Variants in JMJD1C observed in about 807,000 individuals in gnomAD.
JMJD1C encodes the protein jumonji domain-containing protein 1C.
JMJD1C carries 31 observed loss-of-function variants against 245.3 expected under a neutral mutation model. The ratio of observed to expected loss-of-function variants is 0.13; its 90% CI spans 0.09 to 0.17. The LOEUF is 0.17. Among genes scored for constraint, JMJD1C ranks in the 10% least tolerant of loss-of-function variants. The pLI is 1.00. For synonymous variants in JMJD1C, 1,057 were observed against 1,017.4 expected, an observed-to-expected ratio of 1.04 and a Z score of -0.74; for missense variants, 2,691 against 3,000.2, an observed-to-expected ratio of 0.90 and a Z score of 2.41.
intron 1 of JMJD1C, among the ~76,000 whole-genome samples, chr10:63,504,269 A>G (rs1411887903): frequency 1.3e-5 from 2 of 152,220 alleles, no homozygotes. Context: ...AACAGAGCTC[A>G]CATTCTAATT....
intron 1 of JMJD1C, among the ~76,000 whole-genome samples, chr10:63,401,767 T>C (rs1948872024): frequency 6.6e-6 from 1 of 152,036 alleles, no homozygotes; most frequent in Admixed American, 6.6e-5. Context: ...TGGGATGGTA[T>C]GAAGAAGTGG....
chr10:63,465,694 TCCAGTG>T lies in JMJD1C; in HGVS notation c.-38_-33del. On this transcript the variant is annotated 5_prime_UTR_variant, in exon 1 of 26. Transcript: ENST00000399262. Reference sequence around the variant, plus strand: ...CGCTGCCGAAGCGGCCGCTGCCTCCTCCAGTGCGAGGGAACCGATGAAACCTCACTC... The same window carrying T: ...CGCTGCCGAAGCGGCCGCTGCCTCCTCGAGGGAACCGATGAAACCTCACTC... 1 of 1,603,036 alleles carries T rather than the reference TCCAGTG, an allele frequency of 6.2e-7. No individual in the cohort carries two copies.
At chr10:63,225,458 G>T (rs972356079) in intron 3 of JMJD1C, among the ~76,000 whole-genome samples, 2 of 152,086 alleles carry the variant, frequency 1.3e-5, no homozygotes, top group Non-Finnish European at 2.9e-5. Context: ...TTGAACATTA[G>T]TGAGACACCT....
At chr10:63,184,811 C>A in intron 20 of JMJD1C, 73 bp from the exon 21 acceptor site, 1 of 1,415,616 alleles carries the variant, frequency 7.1e-7, no homozygotes, top group Non-Finnish European at 9.6e-7. Flanking sequence ...ATATAATTTT[C>A]AAGTTGTTCA....
At chr10:63,329,205 C>T (rs1941860694) in intron 2 of JMJD1C, among the ~76,000 whole-genome samples, 1 of 151,260 alleles carries the variant, frequency 6.6e-6, no homozygotes, top group Non-Finnish European at 1.5e-5. Flanking sequence ...TGGCTTGAGC[C>T]TGGGAGGTTG....
At position 63,196,158 on chromosome 10, in the gene JMJD1C, C is replaced by T. The variant is rs1845432393; in HGVS notation, c.5644+1253G>A. Among the ~76,000 whole-genome samples the T allele has an allele frequency of 2.0e-5, 3 of 147,210 alleles. No individual in the cohort carries two copies. The South Asian group carries it at 6.6e-4, about 32-fold the overall frequency. On this transcript the variant is annotated intron_variant, in intron 13 of 25. Coordinates refer to ENST00000399262, the MANE Select transcript of JMJD1C (RefSeq NM_032776.3). ...CCTGTAATCCCAGCTACTCGGGAGG[C>T]TGAGGCAGGAGAATTACTTGAATCC...
intron 18 of JMJD1C, among the ~76,000 whole-genome samples, chr10:63,188,349 T>G (rs1564571395): frequency 6.6e-6 from 1 of 152,234 alleles, no homozygotes; most frequent in African/African-American, 2.4e-5. Context: ...TTTCTTTTTT[T>G]GGGGTGAAAG....
chr10:63,355,177 G>A (rs1944728134), intron 2 of JMJD1C, among the ~76,000 whole-genome samples: 1 of 151,396 alleles, frequency 6.6e-6, no homozygotes, highest in Non-Finnish European at 1.5e-5. Flanking sequence ...TAAACATTTT[G>A]AAATAATCAC....
intron 3 of JMJD1C, among the ~76,000 whole-genome samples, chr10:63,256,241 C>T (rs1853909011): frequency 6.6e-6 from 1 of 152,186 alleles, no homozygotes; most frequent in African/African-American, 2.4e-5. Flanking sequence ...TCCAAGGATA[C>T]ATTTTCAACA....
chr10:63,291,134 C>A (rs4486510), intron 2 of JMJD1C, among the ~76,000 whole-genome samples: 1 of 151,180 alleles, frequency 6.6e-6, no homozygotes, highest in Non-Finnish European at 1.5e-5. Flanking sequence ...GTGAAACTCT[C>A]TCTCTACTAA....
At chr10:63,190,390 G>C (rs534863004) in intron 17 of JMJD1C, among the ~76,000 whole-genome samples, 4 of 152,062 alleles carry the variant, frequency 2.6e-5, no homozygotes, top group African/African-American at 7.2e-5. Flanking sequence ...TTTTAGTAGA[G>C]ACAAGGTTTC....
At chr10:63,451,815 A>C (rs1952087760) in intron 1 of JMJD1C, among the ~76,000 whole-genome samples, 1 of 152,222 alleles carries the variant, frequency 6.6e-6, no homozygotes, top group Non-Finnish European at 1.5e-5. Context: ...TTTTTGAAAA[A>C]GGTGCCAAAA....
chr10:63,392,758 G>A (rs950421187), intron 1 of JMJD1C, among the ~76,000 whole-genome samples: 2 of 147,540 alleles, frequency 1.4e-5, no homozygotes, highest in African/African-American at 5.0e-5. Flanking sequence ...ACGGGAGGCA[G>A]AGGTTGCAGT....
intron 2 of JMJD1C, among the ~76,000 whole-genome samples, chr10:63,266,552 A>C (rs1855596110): frequency 1.3e-5 from 2 of 152,178 alleles, no homozygotes; most frequent in Admixed American, 1.3e-4. Context: ...ACTGTAAAAA[A>C]TGTTTTTTCA....
chr10:63,185,558 C>T lies in JMJD1C; in HGVS notation c.6830+5G>A. Reference sequence around the variant, plus strand: ...AGTCAAGAGTCAAAATGAAAAGTTTCAAACCTTGCTGGCATCATAGTCTTG... The same window carrying T: ...AGTCAAGAGTCAAAATGAAAAGTTTTAAACCTTGCTGGCATCATAGTCTTG... On this transcript the variant is annotated splice_donor_5th_base_variant and intron_variant, in intron 20 of 25. Coordinates refer to ENST00000399262, the MANE Select transcript of JMJD1C (RefSeq NM_032776.3). The T allele has an allele frequency of 6.4e-7, 1 of 1,554,308 alleles. No individual in the cohort carries two copies. The highest frequency in any genetic ancestry group is 8.9e-7 in the Non-Finnish European group (1 of 1,125,044).
chr10:63,329,484 A>C (rs904902619), intron 2 of JMJD1C, among the ~76,000 whole-genome samples: 1 of 151,958 alleles, frequency 6.6e-6, no homozygotes, highest in African/African-American at 2.4e-5. Context: ...AATTGAAAAA[A>C]AAAAAAAAAG....
chr10:63,416,180 A>C (rs1374102230), intron 1 of JMJD1C, among the ~76,000 whole-genome samples: 1 of 152,168 alleles, frequency 6.6e-6, no homozygotes, highest in African/African-American at 2.4e-5. Flanking sequence ...ACACTAAAAT[A>C]AGAGAAACTT....
chr10:63,425,893 G>A (rs760524946), intron 1 of JMJD1C, among the ~76,000 whole-genome samples: 1 of 152,162 alleles, frequency 6.6e-6, no homozygotes, highest in Non-Finnish European at 1.5e-5. Context: ...TCTTGAATTT[G>A]GAGATATGCA....
chr10:63,249,065 C>G (rs1852681523), intron 3 of JMJD1C, among the ~76,000 whole-genome samples: 1 of 152,228 alleles, frequency 6.6e-6, no homozygotes, highest in African/African-American at 2.4e-5. Flanking sequence ...CCTGTAATCC[C>G]AGCACTTTGG....
Sources: gnomAD v4.1 joint callset for allele counts (sites outside exome capture counted in the v4.1 genomes callset) on GRCh38, gnomAD v4.1.1 for gene constraint, MANE v1.5 for transcripts, NCBI Gene and HGNC (gene_info 2026-07-23, HGNC 2026-07-21) for gene names.